Variants in NADK observed in about 807,000 individuals in gnomAD.
NADK encodes poly(P)/ATP NAD kinase.
A neutral mutation model predicts 49.8 loss-of-function variants in NADK; 22 were observed. The ratio of observed to expected loss-of-function variants is 0.44; its 90% CI spans 0.32 to 0.63. The LOEUF is 0.63. Ranked by LOEUF, NADK falls within the 30% of genes least tolerant of loss-of-function variation. The probability of loss-of-function intolerance (pLI) is 0.06; values close to 1 mark genes in which losing one functional copy is unlikely to be tolerated. For synonymous variants in NADK, 268 were observed against 253.7 expected, an observed-to-expected ratio of 1.06 and a Z score of -0.54; for missense variants, 438 against 609.4, an observed-to-expected ratio of 0.72 and a Z score of 2.96.
intron 1 of NADK, among the ~76,000 whole-genome samples, chr1:1,773,729 T>TGTGAGAGAGAGAGAGAGAGAGAGA (rs1553188456): frequency 7.8e-6 from 1 of 128,976 alleles, no homozygotes; most frequent in Non-Finnish European, 1.6e-5. Flanking sequence ...TGTGTGTGTG[T>TGTGAGAGAGAGAGAGAGAGAGAGA]GAGAGAGAGA....
At chr1:1,770,603 G>T (rs994670295) in intron 1 of NADK, among the ~76,000 whole-genome samples, 1 of 152,046 alleles carries the variant, frequency 6.6e-6, no homozygotes, top group Admixed American at 6.6e-5. Flanking sequence ...ATGGTGGCGG[G>T]TGCCTGTAGT....
chr1:1,752,936 C>T lies in NADK; in HGVS notation c.1309G>A (p.Glu437Lys). 2 of 1,601,660 alleles carry T rather than the reference C, an allele frequency of 1.2e-6. No homozygotes were observed. The highest frequency in any genetic ancestry group is 1.1e-5 in the South Asian group (1 of 89,488). ...WNVRKKQAHFEEEEEEEEEG is the reference protein window; with the variant it reads ...WNVRKKQAHFKEEEEEEEEG ...TCCTCCTCCTCCTCCTCCTCCTCCTCGAAGTGGGCTTGCTTCTTCCGGACG... is the reference window on the plus strand; with the variant it reads ...TCCTCCTCCTCCTCCTCCTCCTCCTTGAAGTGGGCTTGCTTCTTCCGGACG... Residue 437 changes from glutamate to lysine, a missense_variant, in exon 12 of 12, where the codon GAG becomes AAG. Physicochemically the swap from Glu to Lys is moderately conservative, Grantham distance 56 (BLOSUM62 1). Transcript: ENST00000341426.
chr1:1,757,117 T>C (rs944291919), intron 4 of NADK, 64 bp downstream of exon 4: 7 of 1,544,538 alleles, frequency 4.5e-6, no homozygotes, highest in South Asian at 3.6e-5. Context: ...GGGGCGGTGA[T>C]GTGGATGGAG....
chr1:1,771,378 A>C (rs1458197685), intron 1 of NADK, among the ~76,000 whole-genome samples: 1 of 152,132 alleles, frequency 6.6e-6, no homozygotes, highest in Non-Finnish European at 1.5e-5. Context: ...GGCTTCTCTA[A>C]AGGAAAGGAC....
chr1:1,771,061 T>G (rs1302473840), intron 1 of NADK, among the ~76,000 whole-genome samples: 1 of 146,040 alleles, frequency 6.8e-6, no homozygotes, highest in Non-Finnish European at 1.5e-5. Flanking sequence ...AAAAAATATA[T>G]ATATATATAT....
At chr1:1,756,663 G>A (rs745934067) in intron 4 of NADK, 55 bp from the exon 5 acceptor site, 3 of 1,611,518 alleles carry the variant, frequency 1.9e-6, no homozygotes, top group Admixed American at 3.4e-5. Context: ...CCCTCCTGCA[G>A]GGAGGTTCCC....
chr1:1,753,493 C>T lies in NADK; in HGVS notation c.1184+74G>A, dbSNP rs368063701. 1.3e-5 allele frequency: 17 copies of T among 1,326,420 alleles called. No homozygotes were observed. The South Asian group carries it at 1.4e-4, about 11-fold the overall frequency. 82.2% of individuals were successfully genotyped at this position (1,326,420 alleles called of 1,614,324 possible). On this transcript the variant is annotated intron_variant, in intron 11 of 11. Transcript: ENST00000341426. ...GGACAAGCTGTGTCTACAGGCCAAC[C>T]GCAAGAGGGCAGGCGCTGCCTGGCC...
chr1:1,770,474 C>T (rs1240405997), intron 1 of NADK, among the ~76,000 whole-genome samples: 1 of 152,124 alleles, frequency 6.6e-6, no homozygotes, highest in Non-Finnish European at 1.5e-5. Context: ...AAGGCAAATT[C>T]AATACACAAA....
At position 1,753,584 on chromosome 1, in the gene NADK, C is replaced by T. The variant is rs775218862; in HGVS notation, c.1167G>A (p.Glu389=). The part of the protein sequence containing the change: ...WVSFDGRKRQ[E]IRHGDSISIT... ...GCCCACACCTGTCTCCATGGCGGATCTCTTGTCTCTTCCGTCCATCAAAGG... is the reference window on the plus strand; with the variant it reads ...GCCCACACCTGTCTCCATGGCGGATTTCTTGTCTCTTCCGTCCATCAAAGG... The change falls in exon 11 of 12, where the codon GAG becomes GAA. Residue 389 remains glutamate, a synonymous_variant. Coordinates refer to ENST00000341426, the MANE Select transcript of NADK (RefSeq NM_023018.5). The T allele has an allele frequency of 7.4e-6, 12 of 1,612,584 alleles. No individual in the cohort carries two copies. The South Asian group carries it at 1.3e-4, about 18-fold the overall frequency.
In NADK at chr1:1,765,339, C is replaced by T. The variant is rs759409953; in HGVS notation, c.68G>A (p.Cys23Tyr). The T allele has an allele frequency of 2.2e-5, 36 of 1,613,436 alleles. No homozygotes were observed. Among genetic ancestry groups the T allele is most frequent in the Non-Finnish European group, 3.1e-5 (36 of 1,179,784 alleles). Residue 23 changes from cysteine (C) to tyrosine (Y), a missense_variant, in exon 2 of 12, where the codon TGC (cysteine) becomes TAC (tyrosine). Coordinates refer to ENST00000341426, the MANE Select transcript of NADK (RefSeq NM_023018.5). ...ELSPDAAAYC[C>Y]SACHGDETWS... ...GGTCTCATCGCCGTGGCAGGCCGAG[C>T]AGCAGTAAGCAGCCGCGTCTGGACT...
At chr1:1,753,948 G>C (rs1645420453) in intron 10 of NADK, 103 bp downstream of exon 10, 7 of 1,425,438 alleles carry the variant, frequency 4.9e-6, no homozygotes, top group Non-Finnish European at 6.6e-6. Context: ...GGCCGCGTCT[G>C]AGGCTGGAGC....
In NADK at chr1:1,757,169, T is replaced by A. The variant is rs754071600; in HGVS notation, c.393+12A>T. ...GTGCACCCCAGGCCCCCTTCCCCCC[T>A]GCCCCGCGTGCCTCCATGAGGTGCG... is the stretch of plus-strand genomic sequence containing the variant. On this transcript the variant is annotated intron_variant, in intron 4 of 11. Coordinates refer to ENST00000341426, the MANE Select transcript of NADK (RefSeq NM_023018.5). 8.1e-5 allele frequency: 21 copies of A among 259,990 alleles called. No individual in the cohort carries two copies. Among genetic ancestry groups the A allele is most frequent in the Non-Finnish European group, 1.1e-4 (19 of 166,044 alleles). 16.1% of individuals were successfully genotyped at this position (259,990 alleles called of 1,614,324 possible).
intron 2 of NADK, among the ~76,000 whole-genome samples, chr1:1,762,782 TG>T (rs1290691286): frequency 6.6e-6 from 1 of 152,116 alleles, no homozygotes; most frequent in African/African-American, 2.4e-5. Context: ...AATGAATGAA[TG>T]AATGAATGAA....
intron 10 of NADK, 26 bp from the exon 11 acceptor site, chr1:1,753,675 G>A: frequency 6.3e-7 from 1 of 1,580,152 alleles, no homozygotes; most frequent in Non-Finnish European, 8.6e-7. Flanking sequence ...GGAGAGGTGT[G>A]GGCCCCCAGC....
chr1:1,762,784 AATG>A (rs1353667734), intron 2 of NADK, among the ~76,000 whole-genome samples: 1 of 152,196 alleles, frequency 6.6e-6, no homozygotes, highest in African/African-American at 2.4e-5. Context: ...TGAATGAATG[AATG>A]AATGAATAAA....
chr1:1,777,304 G>A (rs1381316620), intron 1 of NADK, among the ~76,000 whole-genome samples: 2 of 152,124 alleles, frequency 1.3e-5, no homozygotes, highest in East Asian at 3.8e-4. Flanking sequence ...AGGCTTGAGA[G>A]GACAATGTTC....
At chr1:1,755,084 G>T (rs999747518) in intron 7 of NADK, among the ~76,000 whole-genome samples, 1 of 152,182 alleles carries the variant, frequency 6.6e-6, no homozygotes, top group Non-Finnish European at 1.5e-5. Context: ...CTCCCACAGT[G>T]CTGGGATGAC....
rs2100262711 is a variant in NADK at position 1,752,924 on chromosome 1, C to CCTA, written c.1320_1321insTAG (p.Glu440_Glu441insTer). On this transcript the variant is annotated stop_gained and inframe_insertion, in exon 12 of 12. Coordinates refer to ENST00000341426, the MANE Select transcript of NADK (RefSeq NM_023018.5). LOFTEE classifies it high-confidence loss of function. Reference sequence around the variant, plus strand: ...TTGACCTAGCCCTCCTCCTCCTCCTCCTCCTCCTCCTCGAAGTGGGCTTGC... The same window carrying CCTA: ...TTGACCTAGCCCTCCTCCTCCTCCTCCTACTCCTCCTCCTCGAAGTGGGCTTGC... 1 of 1,601,766 alleles carries CCTA rather than the reference C, an allele frequency of 6.2e-7. No individual in the cohort carries two copies.
chr1:1,772,987 G>A (rs1290297649), intron 1 of NADK, among the ~76,000 whole-genome samples: 2 of 149,406 alleles, frequency 1.3e-5, no homozygotes, highest in Non-Finnish European at 3.0e-5. Flanking sequence ...GTTGCGGTGA[G>A]CTGAGATCAC....
Sources: gnomAD v4.1 joint callset for allele counts (sites outside exome capture counted in the v4.1 genomes callset) on GRCh38, gnomAD v4.1.1 for gene constraint, MANE v1.5 for transcripts, NCBI Gene and HGNC (gene_info 2026-07-23, HGNC 2026-07-21) for gene names.